IGF2BP3: variants seen among roughly 807,000 people sequenced by gnomAD.
The protein encoded by IGF2BP3 is insulin like growth factor 2 mRNA binding protein 3, also known as insulin-like growth factor 2 mRNA-binding protein 3.
A neutral mutation model predicts 73.8 loss-of-function variants in IGF2BP3; 9 were observed. The observed-to-expected ratio is 0.12, with a 90% CI of 0.07 to 0.21. IGF2BP3 has a LOEUF of 0.21. Ranked by LOEUF, IGF2BP3 falls within the 10% of genes least tolerant of loss-of-function variation. The pLI is 1.00. For missense variants in IGF2BP3, 542 were observed against 714.0 expected, an observed-to-expected ratio of 0.76 and a Z score of 2.75; for synonymous variants, 258 against 256.7, an observed-to-expected ratio of 1.01 and a Z score of -0.05.
intron 3 of IGF2BP3, among the ~76,000 whole-genome samples, chr7:23,375,995 A>G (rs1322448782): frequency 2.0e-5 from 3 of 152,220 alleles, no homozygotes; most frequent in Non-Finnish European, 4.4e-5. Flanking sequence ...AATTGAATTT[A>G]GCATGAGCAG....
intron 2 of IGF2BP3, among the ~76,000 whole-genome samples, chr7:23,427,341 T>C (rs1233026341): frequency 6.6e-6 from 1 of 152,194 alleles, no homozygotes; most frequent in Non-Finnish European, 1.5e-5. Context: ...AAAGTATCTA[T>C]CATTGGCTTT....
intron 5 of IGF2BP3, among the ~76,000 whole-genome samples, chr7:23,353,527 A>T (rs1785018232): frequency 6.6e-6 from 1 of 152,194 alleles, no homozygotes; most frequent in Admixed American, 6.5e-5. Flanking sequence ...CAACCCTCCA[A>T]GGCCCTTCCC....
At chr7:23,346,877 C>T (rs1449804956) in intron 7 of IGF2BP3, among the ~76,000 whole-genome samples, 4 of 152,234 alleles carry the variant, frequency 2.6e-5, no homozygotes, top group South Asian at 2.1e-4. Context: ...AGGCATGAGT[C>T]GCCACACCAG....
intron 10 of IGF2BP3, among the ~76,000 whole-genome samples, chr7:23,338,119 C>T (rs928715606): frequency 6.6e-6 from 1 of 152,126 alleles, no homozygotes; most frequent in African/African-American, 2.4e-5. Flanking sequence ...ATAACGGCAA[C>T]ATCCCACAGA....
chr7:23,318,697 G>A (rs749509731), intron 11 of IGF2BP3, among the ~76,000 whole-genome samples: 1 of 152,220 alleles, frequency 6.6e-6, no homozygotes, highest in Non-Finnish European at 1.5e-5. Flanking sequence ...GTCTGGCCAA[G>A]TTCTGGGCAA....
At chr7:23,343,570 C>G (rs1784762007) in intron 9 of IGF2BP3, 148 bp downstream of exon 9, 2 of 702,518 alleles carry the variant, frequency 2.8e-6, no homozygotes, top group Non-Finnish European at 4.8e-6. Context: ...ATCTTCCCTA[C>G]TATCCCAGGG....
chr7:23,460,729 C>G (rs1276365987), intron 2 of IGF2BP3, among the ~76,000 whole-genome samples: 1 of 152,044 alleles, frequency 6.6e-6, no homozygotes, highest in African/African-American at 2.4e-5. Context: ...ACAGGTGGAT[C>G]ACCTGAGGTC....
intron 10 of IGF2BP3, among the ~76,000 whole-genome samples, chr7:23,332,753 G>A (rs574278403): frequency 5.3e-5 from 8 of 152,042 alleles, no homozygotes; most frequent in East Asian, 3.9e-4. Flanking sequence ...TTTTATAACT[G>A]GATAGACCAA....
chr7:23,455,365 T>A (rs1788292359), intron 2 of IGF2BP3, among the ~76,000 whole-genome samples: 1 of 152,232 alleles, frequency 6.6e-6, no homozygotes, highest in African/African-American at 2.4e-5. Context: ...TGGCTCCTGC[T>A]GTCCCTTCTG....
intron 3 of IGF2BP3, chr7:23,413,591 T>C (rs1196280253): frequency 6.6e-6 from 1 of 152,164 alleles, no homozygotes; most frequent in Non-Finnish European, 1.5e-5. Context: ...TAATGTCAAG[T>C]ACTCCACTAA....
chr7:23,379,960 A>G (rs439593), intron 3 of IGF2BP3, among the ~76,000 whole-genome samples: 35,837 of 151,998 alleles, frequency 0.24, 7,133 homozygotes, highest in African/African-American at 0.54. Context: ...AGCCATGGTC[A>G]GCTAACTGGT....
At chr7:23,391,375 C>T (rs1786272452) in intron 3 of IGF2BP3, among the ~76,000 whole-genome samples, 1 of 152,178 alleles carries the variant, frequency 6.6e-6, no homozygotes, top group South Asian at 2.1e-4. Flanking sequence ...GCTGGGATTA[C>T]AGGTGTGAGC....
intron 2 of IGF2BP3, among the ~76,000 whole-genome samples, chr7:23,432,388 C>T (rs376384476): frequency 1.3e-5 from 2 of 152,152 alleles, no homozygotes; most frequent in African/African-American, 4.8e-5. Flanking sequence ...AGGACATGTG[C>T]AAGTTAGGAA....
At chr7:23,427,494 C>T (rs1312058691) in intron 2 of IGF2BP3, among the ~76,000 whole-genome samples, 1 of 152,116 alleles carries the variant, frequency 6.6e-6, no homozygotes, top group Non-Finnish European at 1.5e-5. Flanking sequence ...ATCTGTAATC[C>T]CAGCACTTTG....
intron 3 of IGF2BP3, among the ~76,000 whole-genome samples, chr7:23,392,515 TACACACACACATAC>T (rs1264098404): frequency 1.4e-4 from 20 of 146,684 alleles, no homozygotes; most frequent in African/African-American, 5.4e-4. Flanking sequence ...CACATATATA[TACACACACACATAC>T]ACACACACAC....
Position 23,351,412 on chromosome 7 carries a change from T to A in IGF2BP3, c.576A>T (p.Lys192Asn), listed in dbSNP as rs922551718. Reference sequence around the variant, plus strand: ...GCAGGCGCAGAGGCAAATCACATGGTTTCTGCTTGGATACGGATCCTGGAG... The same window carrying A: ...GCAGGCGCAGAGGCAAATCACATGGATTCTGCTTGGATACGGATCCTGGAG... ...QGSPGSVSKQ[K>N]PCDLPLRLLV... Residue 192 changes from lysine (K) to asparagine (N), a missense_variant, in exon 6 of 15, where the codon AAA becomes AAT. Coordinates refer to ENST00000258729, the MANE Select transcript of IGF2BP3 (RefSeq NM_006547.3). 3.1e-6 allele frequency: 5 copies of A among 1,613,540 alleles called. No individual in the cohort carries two copies. The highest frequency in any genetic ancestry group is 3.4e-6 in the Non-Finnish European group (4 of 1,179,866).
intron 3 of IGF2BP3, among the ~76,000 whole-genome samples, chr7:23,378,540 G>A (rs968330083): frequency 3.5e-5 from 5 of 140,916 alleles, no homozygotes; most frequent in African/African-American, 1.4e-4. Context: ...TTATGGGCGT[G>A]CACCACCATG....
chr7:23,351,333 G>A lies in IGF2BP3; in HGVS notation c.655C>T (p.Arg219Trp), dbSNP rs274055. Reference sequence around the variant, plus strand: ...GACTGGGTCTGTTTGGTGATGTTCCGAATGGTGGCACCTTCTTTTCCTATG... The same window carrying A: ...GACTGGGTCTGTTTGGTGATGTTCCAAATGGTGGCACCTTCTTTTCCTATG... ...AIIGKEGATIRNITKQTQSKI... is the reference protein window; with the variant it reads ...AIIGKEGATIWNITKQTQSKI... The change falls in exon 6 of 15, where the codon CGG (arginine) becomes TGG (tryptophan). Residue 219 changes from arginine to tryptophan, a missense_variant. Arg to Trp is a moderately radical substitution (Grantham distance 101). Transcript: ENST00000258729. The A allele has an allele frequency of 1.9e-6, 3 of 1,613,674 alleles. No individual in the cohort carries two copies. The highest frequency in any genetic ancestry group is 2.5e-6 in the Non-Finnish European group (3 of 1,179,888).
At chr7:23,388,343 T>C (rs1398117476) in intron 3 of IGF2BP3, among the ~76,000 whole-genome samples, 1 of 152,174 alleles carries the variant, frequency 6.6e-6, no homozygotes, top group Non-Finnish European at 1.5e-5. Context: ...CTTTATCAAC[T>C]TAGGTTCAGT....
Sources: allele counts gnomAD v4.1 joint callset (sites outside exome capture counted in the v4.1 genomes callset), GRCh38; gene constraint gnomAD v4.1.1; transcripts MANE v1.5; gene names NCBI Gene and HGNC (gene_info 2026-07-23, HGNC 2026-07-21).